Variants in MAGED1 observed in about 807,000 individuals in gnomAD.
MAGED1 encodes the protein melanoma-associated antigen D1.
Under a neutral mutation model 54.1 loss-of-function variants are expected in MAGED1, and 3 were observed. The ratio of observed to expected loss-of-function variants is 0.06; its 90% CI spans 0.03 to 0.14. The LOEUF (loss-of-function observed/expected upper bound fraction) is 0.14. Ranked by LOEUF, MAGED1 falls within the 10% of genes least tolerant of loss-of-function variation. The probability of loss-of-function intolerance (pLI) is 1.00; values close to 1 mark genes in which losing one functional copy is unlikely to be tolerated. For synonymous variants in MAGED1, 217 were observed against 227.3 expected, an observed-to-expected ratio of 0.95 and a Z score of 0.41; for missense variants, 485 against 623.4, an observed-to-expected ratio of 0.78 and a Z score of 2.36.
At chrX:51,886,460 AAATT>A (rs1233608381) in intron 1 of MAGED1, among the ~76,000 whole-genome samples, 1 of 111,197 alleles carries the variant, frequency 9.0e-6, no homozygotes, top group African/African-American at 3.3e-5. Flanking sequence ...TAAAAATTAA[AAATT>A]AAAGGTAAAT....
At chrX:51,820,805 A>G (rs1925596236) in intron 1 of MAGED1, among the ~76,000 whole-genome samples, 1 of 111,639 alleles carries the variant, frequency 9.0e-6, no homozygotes, top group African/African-American at 3.3e-5. Context: ...GTATAACGCA[A>G]TATTGTTAAT....
At chrX:51,870,973 C>G (rs1485377874) in intron 1 of MAGED1, among the ~76,000 whole-genome samples, 1 of 112,488 alleles carries the variant, frequency 8.9e-6, no homozygotes, top group African/African-American at 3.2e-5. Flanking sequence ...TAAATCTCCT[C>G]TCCAGTGCTT....
intron 1 of MAGED1, among the ~76,000 whole-genome samples, chrX:51,854,506 G>T (rs1602238793): frequency 1.8e-5 from 2 of 111,503 alleles, no homozygotes; most frequent in East Asian, 2.8e-4. Flanking sequence ...CCTTGTCATG[G>T]TGACAAATAC....
At position 51,897,285 on chromosome X, in the gene MAGED1, G is replaced by A. The variant is rs1557364430; in HGVS notation, c.1486+14G>A. On this transcript the variant is annotated intron_variant, in intron 5 of 12. Coordinates refer to ENST00000326587, the MANE Select transcript of MAGED1 (RefSeq NM_006986.4). Reference sequence around the variant, plus strand: ...TCAAGCGCTCAGGTATGCATCCAGTGTCCCCTCCCCAAGCTCTGCCCTTCC... The same window carrying A: ...TCAAGCGCTCAGGTATGCATCCAGTATCCCCTCCCCAAGCTCTGCCCTTCC... The A allele has an allele frequency of 1.0e-5, 12 of 1,198,337 alleles. No individual in the cohort carries two copies. Among genetic ancestry groups the A allele is most frequent in the Non-Finnish European group, 1.4e-5 (12 of 886,863 alleles).
At chrX:51,825,055 T>C (rs781850003) in intron 1 of MAGED1, among the ~76,000 whole-genome samples, 10 of 110,655 alleles carry the variant, frequency 9.0e-5, no homozygotes, top group African/African-American at 2.6e-4. Flanking sequence ...TAGGGGCTTA[T>C]CAAAGAAAGA....
chrX:51,869,507 A>G (rs782450003), intron 1 of MAGED1, among the ~76,000 whole-genome samples: 34 of 111,404 alleles, frequency 3.1e-4, no homozygotes, highest in Admixed American at 3.0e-3. Context: ...TGCAGGTGTG[A>G]ACCACTGCCC....
At chrX:51,858,585 G>A (rs782195946) in intron 1 of MAGED1, among the ~76,000 whole-genome samples, 5 of 111,818 alleles carry the variant, frequency 4.5e-5, no homozygotes, top group African/African-American at 1.6e-4. Flanking sequence ...TGTAGACAAC[G>A]TGGAGTGGGA....
chrX:51,838,372 T>C (rs1926332313), intron 1 of MAGED1, among the ~76,000 whole-genome samples: 1 of 112,700 alleles, frequency 8.9e-6, no homozygotes, highest in South Asian at 3.6e-4. Flanking sequence ...AGCTGATATT[T>C]AAAGAAATGT....
intron 1 of MAGED1, among the ~76,000 whole-genome samples, chrX:51,839,527 C>A (rs1328718946): frequency 9.0e-6 from 1 of 111,664 alleles, no homozygotes; most frequent in Non-Finnish European, 1.9e-5. Flanking sequence ...ATGTATGCTT[C>A]TGTCTCTATT....
intron 1 of MAGED1, among the ~76,000 whole-genome samples, chrX:51,838,892 T>C (rs920782498): frequency 7.2e-5 from 8 of 111,026 alleles, no homozygotes; most frequent in Non-Finnish European, 1.3e-4. Flanking sequence ...CAAATTGCTT[T>C]TTTTTTCTGA....
At chrX:51,853,842 A>T (rs1423699567) in intron 1 of MAGED1, among the ~76,000 whole-genome samples, 2 of 112,218 alleles carry the variant, frequency 1.8e-5, no homozygotes, top group East Asian at 5.6e-4. Context: ...TTTCTTTGAG[A>T]TTAGATTTAG....
chrX:51,823,416 A>G (rs192576027), intron 1 of MAGED1, among the ~76,000 whole-genome samples: 120 of 111,641 alleles, frequency 1.1e-3, no homozygotes, highest in Admixed American at 5.2e-3. Context: ...TTTAAAGTCT[A>G]TTTTGTCTGC....
chrX:51,818,401 C>T (rs782168583), intron 1 of MAGED1, among the ~76,000 whole-genome samples: 1 of 111,476 alleles, frequency 9.0e-6, no homozygotes, highest in Non-Finnish European at 1.9e-5. Context: ...GGTCTTCTGT[C>T]ATATACCACT....
At chrX:51,871,696 A>G (rs1321107233) in intron 1 of MAGED1, among the ~76,000 whole-genome samples, 5 of 111,447 alleles carry the variant, frequency 4.5e-5, no homozygotes, top group African/African-American at 1.6e-4. Context: ...GGTTGGTTCC[A>G]AGTCTTTGCT....
At chrX:51,869,544 G>A (rs191554867) in intron 1 of MAGED1, among the ~76,000 whole-genome samples, 1 of 111,125 alleles carries the variant, frequency 9.0e-6, no homozygotes, top group East Asian at 2.8e-4. Context: ...CCATTTTTAT[G>A]ATTTTTTTTC....
chrX:51,814,677 C>T (rs1171949805), intron 1 of MAGED1, among the ~76,000 whole-genome samples: 2 of 110,636 alleles, frequency 1.8e-5, no homozygotes, highest in Non-Finnish European at 3.8e-5. Context: ...ATAATGGAGC[C>T]GAAAAATTCC....
upstream of MAGED1, among the ~76,000 whole-genome samples, chrX:51,893,222 A>G (rs1022789316): frequency 4.5e-5 from 5 of 110,483 alleles, no homozygotes; most frequent in Non-Finnish European, 9.5e-5. Flanking sequence ...AGAGACCCCA[A>G]ACAGAGACCT....
chrX:51,870,118 C>T (rs1343030174), intron 1 of MAGED1, among the ~76,000 whole-genome samples: 1 of 111,223 alleles, frequency 9.0e-6, no homozygotes, highest in African/African-American at 3.3e-5. Flanking sequence ...TCTGGTCTGC[C>T]ATGAACTGAG....
rs782461854 is a variant in MAGED1 at position 51,896,782 on chromosome X, ATCCACCTGGATGGCAGAC to A, written c.1146_1163del (p.Thr388_Gln393del). 29 of 1,208,454 alleles carry A rather than the reference ATCCACCTGGATGGCAGAC, an allele frequency of 2.4e-5. No homozygotes were observed. Among genetic ancestry groups the A allele is most frequent in the Middle Eastern group, 2.3e-4 (1 of 4,374 alleles). ...TGGCCGAATCCACTGGCCTGGCAGA[ATCCACCTGGATGGCAGAC>A]TCCACCTGGATGGCAGACCCCACCG... On this transcript the variant is annotated inframe_deletion, in exon 4 of 13. Coordinates refer to ENST00000326587, the MANE Select transcript of MAGED1 (RefSeq NM_006986.4).
Sources: allele counts gnomAD v4.1 joint callset (sites outside exome capture counted in the v4.1 genomes callset), GRCh38; gene constraint gnomAD v4.1.1; transcripts MANE v1.5; gene names NCBI Gene and HGNC (gene_info 2026-07-23, HGNC 2026-07-21).